The following KRT35 variants were observed in gnomAD, a reference collection of about 807,000 sequenced individuals.
KRT35 encodes the protein keratin 35, also known as keratin, type I cuticular Ha5.
A neutral mutation model predicts 42.2 loss-of-function variants in KRT35; 33 were observed. The observed-to-expected ratio is 0.78, with a 90% CI of 0.59 to 1.05. The LOEUF (loss-of-function observed/expected upper bound fraction) is 1.05. Ranked by LOEUF, KRT35 falls within the 50% of genes least tolerant of loss-of-function variation. KRT35 has a pLI of 0.00. For synonymous variants in KRT35, 218 were observed against 238.2 expected, an observed-to-expected ratio of 0.92 and a Z score of 0.78; for missense variants, 585 against 589.2, an observed-to-expected ratio of 0.99 and a Z score of 0.07.
chr17:41,477,897 G>C (rs4796745), intron 5 of KRT35, among the ~76,000 whole-genome samples, 159 bp from the exon 6 acceptor site: 1 of 151,826 alleles, frequency 6.6e-6, no homozygotes, highest in African/African-American at 2.4e-5. Flanking sequence ...GAGGAAAAAG[G>C]CTAGAGGTCA....
At chr17:41,478,177 T>C (rs1286354744) in intron 5 of KRT35, among the ~76,000 whole-genome samples, 184 bp downstream of exon 5, 1 of 152,150 alleles carries the variant, frequency 6.6e-6, no homozygotes, top group Admixed American at 6.5e-5. Flanking sequence ...TCTCTTGTCC[T>C]TTACCACTGG....
chr17:41,480,626 C>G lies in KRT35; in HGVS notation c.471+1G>C. ...ATCCAAAGCCACTCTGAACCTCTTA[C>G]CTTCTTCTGGAGCTCCTCGATGGTC... On this transcript the variant is annotated splice_donor_variant, in intron 1 of 6. Coordinates refer to ENST00000246639, the MANE Select transcript of KRT35 (RefSeq NM_002280.6). LOFTEE classifies it high-confidence loss of function. 6.2e-7 allele frequency: 1 copy of G among 1,611,412 alleles called. No individual in the cohort carries two copies. The highest frequency in any genetic ancestry group is 8.5e-7 in the Non-Finnish European group (1 of 1,177,732).
At chr17:41,477,898 CT>C (rs2019200507) in intron 5 of KRT35, among the ~76,000 whole-genome samples, 160 bp from the exon 6 acceptor site, 1 of 151,930 alleles carries the variant, frequency 6.6e-6, no homozygotes, top group Non-Finnish European at 1.5e-5. Context: ...AGGAAAAAGG[CT>C]AGAGGTCAGA....
At chr17:41,480,545 C>A in intron 1 of KRT35, 82 bp downstream of exon 1, 1 of 1,101,208 alleles carries the variant, frequency 9.1e-7, no homozygotes, top group Non-Finnish European at 1.3e-6. Flanking sequence ...TGACTTCCAA[C>A]ATGCCCTATG....
In KRT35 at chr17:41,481,145, C is replaced by T; in HGVS notation, c.-48G>A. The T allele has an allele frequency of 3.6e-6, 5 of 1,394,936 alleles. No individual in the cohort carries two copies. The South Asian group carries it at 4.0e-5, about 11-fold the overall frequency. 86.4% of individuals were successfully genotyped at this position (1,394,936 alleles called of 1,614,324 possible). A position where few individuals can be genotyped will look rare whatever the true frequency, so the allele number is the denominator to read the frequency against. On this transcript the variant is annotated 5_prime_UTR_variant, in exon 1 of 7. Transcript: ENST00000246639. The stretch of plus-strand genomic sequence containing the variant: ...TTGATAGGTCTCTGAGGCCAGACAC[C>T]CCAAAGCAGAGAAGCAGCTCCTTAC...
In KRT35 at chr17:41,478,337, G is replaced by A. The variant is rs765423208; in HGVS notation, c.999+24C>T. ...TGCTCCTCGGCTTGGTCCAGAGGCA[G>A]CTCCACCCTGCCTTGGGGCTCACCA... On this transcript the variant is annotated intron_variant, in intron 5 of 6. Coordinates refer to ENST00000246639, the MANE Select transcript of KRT35 (RefSeq NM_002280.6). The A allele has an allele frequency of 8.1e-6, 13 of 1,609,492 alleles. No homozygotes were observed. In the South Asian group the frequency reaches 8.8e-5, roughly 11 times the overall value.
Position 41,477,571 on chromosome 17 carries a change from C to A in KRT35, c.1167G>T (p.Arg389=). The A allele has an allele frequency of 1.9e-6, 3 of 1,614,042 alleles. No homozygotes were observed. Among genetic ancestry groups the A allele is most frequent in the Non-Finnish European group, 2.5e-6 (3 of 1,180,052 alleles). ...EYQVLLDVRA[R]LECEINTYRG... ...GGTACGTGTTGATCTCACACTCCAGCCGGGCCCGGACGTCCAGCAGCACCT... is the reference window on the plus strand; with the variant it reads ...GGTACGTGTTGATCTCACACTCCAGACGGGCCCGGACGTCCAGCAGCACCT... Residue 389 remains arginine, a synonymous_variant, in exon 6 of 7, where the codon CGG becomes CGT. Coordinates refer to ENST00000246639, the MANE Select transcript of KRT35 (RefSeq NM_002280.6).
At chr17:41,477,344 G>A in intron 6 of KRT35, 141 bp from the exon 7 acceptor site, 1 of 1,315,256 alleles carries the variant, frequency 7.6e-7, no homozygotes, top group Non-Finnish European at 1.0e-6. Context: ...AGGGAAACAG[G>A]CCCTGAGAGG....
Position 41,479,425 on chromosome 17 carries a change from G to C in KRT35, c.633C>G (p.Thr211=). 1 of 1,614,116 alleles carries C rather than the reference G, an allele frequency of 6.2e-7. No individual in the cohort carries two copies. The highest frequency in any genetic ancestry group is 8.5e-7 in the Non-Finnish European group (1 of 1,180,010). The part of the protein sequence containing the change: ...NGLRRILDDL[T]LCKSDLEAQV... ...GGGCCTCCAGGTCAGACTTGCACAG[G>C]GTCAGGTCATCCAGGATCCTGCGCA... The change falls in exon 3 of 7, where the codon ACC becomes ACG. Residue 211 remains threonine, a synonymous_variant. Coordinates refer to ENST00000246639, the MANE Select transcript of KRT35 (RefSeq NM_002280.6).
chr17:41,479,112 T>G lies in KRT35; in HGVS notation c.712-117A>C, dbSNP rs1597749686. 1.6e-5 allele frequency: 17 copies of G among 1,056,074 alleles called. No individual in the cohort carries two copies. The East Asian group carries it at 4.1e-4, about 25-fold the overall frequency. 65.4% of individuals were successfully genotyped at this position (1,056,074 alleles called of 1,614,324 possible). A position where few individuals can be genotyped will look rare whatever the true frequency, so the allele number is the denominator to read the frequency against. ...CCTCCTAATGCTCACCTCCTCCCCATGCTCATCTGCTCCCCATGCCCACCT... is the reference window on the plus strand; with the variant it reads ...CCTCCTAATGCTCACCTCCTCCCCAGGCTCATCTGCTCCCCATGCCCACCT... On this transcript the variant is annotated intron_variant, in intron 3 of 6. Transcript: ENST00000246639.
rs201141610 is a variant in KRT35 at position 41,477,051 on chromosome 17, C to T, written c.*5G>A. ...AATAGCCATGGCCATCTGGGTCACC[C>T]GCTCTCAGAACCGACCCCCTGGGCA... On this transcript the variant is annotated 3_prime_UTR_variant, in exon 7 of 7. Coordinates refer to ENST00000246639, the MANE Select transcript of KRT35 (RefSeq NM_002280.6). 2.9e-5 allele frequency: 45 copies of T among 1,553,950 alleles called. No homozygotes were observed. The highest frequency in any genetic ancestry group is 7.5e-5 in the South Asian group (6 of 79,898).
Position 41,480,940 on chromosome 17 carries a change from G to A in KRT35, c.158C>T (p.Ser53Leu). The change falls in exon 1 of 7, where the codon TCA becomes TTA. Residue 53 changes from serine to leucine, a missense_variant. Transcript: ENST00000246639. ...SPVARSFSAC[S>L]VGLGRSSYRA... ...GTAGCTGCTTCTGCCCAGACCCACTGAGCAGGCAGAGAAACTTCTGGCCAC... is the reference window on the plus strand; with the variant it reads ...GTAGCTGCTTCTGCCCAGACCCACTAAGCAGGCAGAGAAACTTCTGGCCAC... 6 of 1,614,162 alleles carry A rather than the reference G, an allele frequency of 3.7e-6. No individual in the cohort carries two copies. The highest frequency in any genetic ancestry group is 5.1e-6 in the Non-Finnish European group (6 of 1,180,040).
chr17:41,478,444 A>G lies in KRT35; in HGVS notation c.916T>C (p.Leu306=), dbSNP rs2019210774. 1.2e-6 allele frequency: 2 copies of G among 1,613,992 alleles called. No individual in the cohort carries two copies. Among genetic ancestry groups the G allele is most frequent in the South Asian group, 1.1e-5 (1 of 91,082 alleles). ...ATGATCTCTGCCTGGCAGGACTGCAACTGCTCTGAGCTGGACACCACCTGC... is the reference window on the plus strand; with the variant it reads ...ATGATCTCTGCCTGGCAGGACTGCAGCTGCTCTGAGCTGGACACCACCTGC... ...NQQVVSSSEQ[L]QSCQAEIIEL... Residue 306 remains leucine, a synonymous_variant, in exon 5 of 7, where the codon TTG becomes CTG. Coordinates refer to ENST00000246639, the MANE Select transcript of KRT35 (RefSeq NM_002280.6).
chr17:41,479,297 TC>T, intron 3 of KRT35, 49 bp downstream of exon 3: 1 of 1,541,312 alleles, frequency 6.5e-7, no homozygotes, highest in South Asian at 1.2e-5. Context: ...GTTCACCTCC[TC>T]CCCCATGCTC....
chr17:41,479,584 CT>C lies in KRT35; in HGVS notation c.555-82del. 3.8e-6 allele frequency: 6 copies of C among 1,571,748 alleles called. No homozygotes were observed. In the South Asian group the frequency reaches 6.9e-5, roughly 18 times the overall value. On this transcript the variant is annotated intron_variant, in intron 2 of 6. Transcript: ENST00000246639. ...GGCCTGCCCTCAGACTGTCCAGGTGCTGTGAGTCCTGCTTTTATGCCCCAAT... is the reference window on the plus strand; with the variant it reads ...GGCCTGCCCTCAGACTGTCCAGGTGCGTGAGTCCTGCTTTTATGCCCCAAT...
At chr17:41,479,231 C>G in intron 3 of KRT35, 116 bp downstream of exon 3, 1 of 1,239,478 alleles carries the variant, frequency 8.1e-7, no homozygotes, top group Non-Finnish European at 1.1e-6. Flanking sequence ...CACCTGCTCC[C>G]TCATGTTCAC....
chr17:41,478,301 G>A, intron 5 of KRT35, 60 bp downstream of exon 5: 3 of 1,574,782 alleles, frequency 1.9e-6, no homozygotes, highest in South Asian at 1.1e-5. Flanking sequence ...ATGGAAGCTG[G>A]GGAGCTTGTG....
intron 3 of KRT35, 59 bp downstream of exon 3, chr17:41,479,288 T>TTCACCTCCTCCCCCATGC: frequency 6.5e-7 from 1 of 1,546,144 alleles, no homozygotes; most frequent in Non-Finnish European, 8.8e-7. Context: ...CCTCCCCATG[T>TTCACCTCCTCCCCCATGC]TCACCTCCTC....
chr17:41,480,496 G>T, intron 1 of KRT35, 131 bp downstream of exon 1: 1 of 695,506 alleles, frequency 1.4e-6, no homozygotes, highest in Non-Finnish European at 2.4e-6. Context: ...TAAGGTTATT[G>T]GGAGGAGCAA....
Sources: allele counts gnomAD v4.1 joint callset (sites outside exome capture counted in the v4.1 genomes callset), GRCh38; gene constraint gnomAD v4.1.1; transcripts MANE v1.5; gene names NCBI Gene and HGNC (gene_info 2026-07-23, HGNC 2026-07-21).